Variants in PRSS23 observed in about 807,000 individuals in gnomAD.
The protein encoded by PRSS23 is serine protease 23, also known as protease, serine 23.
A neutral mutation model predicts 34.7 loss-of-function variants in PRSS23; 25 were observed. The observed-to-expected ratio is 0.72, with a 90% CI of 0.53 to 1.01. The LOEUF (loss-of-function observed/expected upper bound fraction) is 1.01, where lower values mean the gene tolerates loss of function less well. PRSS23 is among the 50% of genes least tolerant of loss of function. The pLI, the probability that PRSS23 is intolerant of heterozygous loss-of-function variation, is 0.00. For synonymous variants in PRSS23, 176 were observed against 186.6 expected (o/e 0.94, Z 0.46); for missense variants, 445 against 475.6 (o/e 0.94, Z 0.60).
At chr11:86,939,427 T>TAAATATATATA (rs1486101541) in intron 2 of PRSS23, among the ~76,000 whole-genome samples, 16 of 30,246 alleles carry the variant, frequency 5.3e-4, no homozygotes, top group Non-Finnish European at 1.3e-3. Flanking sequence ...TATATATATA[T>TAAATATATATA]TTTTTAACAT....
chr11:86,920,421 T>G (rs1383168834), intron 2 of PRSS23, among the ~76,000 whole-genome samples: 2 of 152,150 alleles, frequency 1.3e-5, no homozygotes, highest in Non-Finnish European at 2.9e-5. Flanking sequence ...TCTTGTCTAA[T>G]GAAGAAGAGA....
upstream of PRSS23, chr11:86,800,416 C>G (rs1302074698): frequency 1.0e-6 from 1 of 977,640 alleles, no homozygotes; most frequent in Non-Finnish European, 1.2e-6. Context: ...GAGGGGGGCA[C>G]GGTTTATGTG....
chr11:86,836,494 G>A (rs186973217), intron 2 of PRSS23, among the ~76,000 whole-genome samples: 87 of 152,300 alleles, frequency 5.7e-4, no homozygotes, highest in African/African-American at 1.9e-3. Flanking sequence ...CTATGTTCAG[G>A]TGTGTAATAG....
At chr11:86,814,131 G>A (rs4304806), downstream of PRSS23, among the ~76,000 whole-genome samples, 17,435 of 152,202 alleles carry the variant, frequency 0.11, 1,370 homozygotes, top group East Asian at 0.42. Context: ...TGTCAGTCAT[G>A]TTAGGTTTCA....
At chr11:86,878,085 A>T (rs918819548) in intron 2 of PRSS23, among the ~76,000 whole-genome samples, 1 of 152,198 alleles carries the variant, frequency 6.6e-6, no homozygotes, top group South Asian at 2.1e-4. Flanking sequence ...TATTGTATCA[A>T]AATTGGAATT....
intron 2 of PRSS23, among the ~76,000 whole-genome samples, chr11:86,906,474 C>T (rs1322734245): frequency 5.3e-5 from 8 of 152,228 alleles, no homozygotes; most frequent in Non-Finnish European, 1.2e-4. Context: ...GCTGGCTCGG[C>T]GAGGTTGTAG....
chr11:86,903,668 A>G (rs1948925260), intron 2 of PRSS23, among the ~76,000 whole-genome samples: 1 of 151,892 alleles, frequency 6.6e-6, no homozygotes, highest in Admixed American at 6.6e-5. Context: ...TATTTTTAGT[A>G]GAGTTGGGGT....
rs1246998205 is a variant in PRSS23, at chr11:86,800,630, C to T, written c.-35C>T. The T allele has an allele frequency of 2.0e-6, 2 of 984,992 alleles. No homozygotes were observed. Among genetic ancestry groups the T allele is most frequent in the Admixed American group, 6.2e-5 (1 of 16,234 alleles). 61.0% of individuals were successfully genotyped at this position (984,992 alleles called of 1,614,324 possible). On this transcript the variant is annotated 5_prime_UTR_variant, in exon 1 of 2. Transcript: ENST00000280258. The stretch of plus-strand genomic sequence containing the variant: ...TCTGAGCGGCGCAGCGAGCCGCGGC[C>T]CGGGCGGGCTGCTCGGCGCGGGTGA...
intron 2 of PRSS23, among the ~76,000 whole-genome samples, chr11:86,881,688 T>A (rs753098263): frequency 2.0e-4 from 30 of 152,198 alleles, no homozygotes; most frequent in Non-Finnish European, 2.6e-4. Flanking sequence ...CTTCTTTAAA[T>A]GTTTGGTAGA....
chr11:86,906,764 T>G (rs1223624641), intron 2 of PRSS23, among the ~76,000 whole-genome samples: 1 of 152,194 alleles, frequency 6.6e-6, no homozygotes, highest in Non-Finnish European at 1.5e-5. Flanking sequence ...TAGGGAGCGC[T>G]TGCCATATGC....
At chr11:86,893,963 A>G (rs1372294999) in intron 2 of PRSS23, among the ~76,000 whole-genome samples, 2 of 152,120 alleles carry the variant, frequency 1.3e-5, no homozygotes, top group Non-Finnish European at 2.9e-5. Flanking sequence ...GTGGGAGTAA[A>G]GGGGGGAATC....
intron 2 of PRSS23, chr11:86,896,294 A>T (rs1436560667): frequency 6.6e-6 from 1 of 152,080 alleles, no homozygotes; most frequent in Non-Finnish European, 1.5e-5. Context: ...GGTGGAAAAG[A>T]TAGGGAAGCA....
intron 2 of PRSS23, among the ~76,000 whole-genome samples, chr11:86,827,220 G>C (rs912799599): frequency 1.3e-5 from 2 of 152,136 alleles, no homozygotes; most frequent in African/African-American, 4.8e-5. Context: ...GTTTAGTCTT[G>C]GGAGGGTGTA....
At chr11:86,839,222 A>C (rs1319588516) in intron 2 of PRSS23, among the ~76,000 whole-genome samples, 1 of 152,194 alleles carries the variant, frequency 6.6e-6, no homozygotes, top group Non-Finnish European at 1.5e-5. Flanking sequence ...TGTTCTAACC[A>C]ATCACAAGGA....
intron 2 of PRSS23, among the ~76,000 whole-genome samples, chr11:86,848,905 G>C (rs2433445): frequency 6.6e-6 from 1 of 152,144 alleles, no homozygotes; most frequent in African/African-American, 2.4e-5. Context: ...TTATCAGTGC[G>C]GTTTGCAAGG....
intron 2 of PRSS23, among the ~76,000 whole-genome samples, chr11:86,905,269 C>G (rs1388216046): frequency 1.3e-5 from 2 of 152,144 alleles, no homozygotes; most frequent in Non-Finnish European, 1.5e-5. Context: ...ACTGAAGTAA[C>G]AATGCTGGAA....
At chr11:86,905,300 T>C (rs1178466644) in intron 2 of PRSS23, among the ~76,000 whole-genome samples, 1 of 152,200 alleles carries the variant, frequency 6.6e-6, no homozygotes, top group Non-Finnish European at 1.5e-5. Flanking sequence ...ATAATCTCTT[T>C]CTGGCTATTC....
chr11:86,833,500 C>A, intron 2 of PRSS23: 1 of 314,872 alleles, frequency 3.2e-6, no homozygotes, highest in African/African-American at 2.2e-5. Context: ...TTTACTGTTG[C>A]AAGATTTAAT....
intron 1 of PRSS23, among the ~76,000 whole-genome samples, chr11:86,820,596 C>T (rs1274013393): frequency 2.0e-5 from 3 of 152,054 alleles, no homozygotes; most frequent in Non-Finnish European, 4.4e-5. Context: ...GCTTTATTTG[C>T]GTTTGTATTT....
Sources: allele counts gnomAD v4.1 joint callset (sites outside exome capture counted in the v4.1 genomes callset), GRCh38; gene constraint gnomAD v4.1.1; transcripts MANE v1.5; gene names NCBI Gene and HGNC (gene_info 2026-07-23, HGNC 2026-07-21).